The following LRFN5 variants were observed in gnomAD, a reference collection of about 807,000 sequenced individuals.
LRFN5 encodes leucine-rich repeat and fibronectin type-III domain-containing protein 5.
Under a neutral mutation model 45.6 loss-of-function variants are expected in LRFN5, and 24 were observed. The ratio of observed to expected loss-of-function variants is 0.53; its 90% CI spans 0.38 to 0.74. The LOEUF is 0.74. Among genes scored for constraint, LRFN5 ranks in the 30% least tolerant of loss-of-function variants. The probability of loss-of-function intolerance (pLI) is 0.00; values close to 1 mark genes in which losing one functional copy is unlikely to be tolerated. For synonymous variants in LRFN5, 340 were observed against 313.8 expected, an observed-to-expected ratio of 1.08 and a Z score of -0.88; for missense variants, 776 against 861.5, an observed-to-expected ratio of 0.90 and a Z score of 1.24.
chr14:41,718,400 G>C (rs1298809940), intron 1 of LRFN5, among the ~76,000 whole-genome samples: 2 of 152,092 alleles, frequency 1.3e-5, no homozygotes, highest in Non-Finnish European at 2.9e-5. Context: ...TTAAGTACCT[G>C]TTCTTTGATT....
chr14:41,786,963 T>A (rs1421928736), intron 2 of LRFN5, among the ~76,000 whole-genome samples: 3 of 152,096 alleles, frequency 2.0e-5, no homozygotes, highest in African/African-American at 7.2e-5. Flanking sequence ...GCATTTCTTA[T>A]ATCTCCAGGT....
chr14:41,878,356 C>T (rs547911496), intron 2 of LRFN5, among the ~76,000 whole-genome samples: 1 of 152,186 alleles, frequency 6.6e-6, no homozygotes, highest in African/African-American at 2.4e-5. Context: ...AATAGCTTTC[C>T]TTTAACTCAA....
chr14:41,768,533 C>T (rs1293524582), intron 2 of LRFN5, among the ~76,000 whole-genome samples: 2 of 151,726 alleles, frequency 1.3e-5, no homozygotes, highest in Non-Finnish European at 2.9e-5. Flanking sequence ...TTTAGATTTC[C>T]ATTAAATAAA....
intron 1 of LRFN5, among the ~76,000 whole-genome samples, chr14:41,748,246 A>G (rs1364916003): frequency 2.0e-5 from 3 of 152,118 alleles, no homozygotes; most frequent in African/African-American, 7.2e-5. Flanking sequence ...TATATTAGTC[A>G]CAAAGCTAAA....
At chr14:41,801,647 T>C (rs1177277428) in intron 2 of LRFN5, among the ~76,000 whole-genome samples, 1 of 152,216 alleles carries the variant, frequency 6.6e-6, no homozygotes, top group Non-Finnish European at 1.5e-5. Context: ...TCTCGCAGCC[T>C]GTGCTCATTA....
chr14:41,638,707 A>T (rs1215891947), intron 1 of LRFN5, among the ~76,000 whole-genome samples: 3 of 152,150 alleles, frequency 2.0e-5, no homozygotes, highest in African/African-American at 7.2e-5. Context: ...TGCTAGTTTT[A>T]AAATTAATGT....
At chr14:41,673,575 A>ACC (rs1228293593) in intron 1 of LRFN5, among the ~76,000 whole-genome samples, 2 of 104,922 alleles carry the variant, frequency 1.9e-5, no homozygotes, top group African/African-American at 7.6e-5. Flanking sequence ...GCAGGGGGTG[A>ACC]CCCCCCCCAC....
intron 5 of LRFN5, among the ~76,000 whole-genome samples, chr14:41,902,655 CTAAAT>C (rs1371483652): frequency 2.0e-5 from 3 of 151,728 alleles, no homozygotes; most frequent in Non-Finnish European, 4.4e-5. Context: ...TAACTTGATA[CTAAAT>C]TAAAGTTTGC....
chr14:41,808,017 T>G (rs1887580867), intron 2 of LRFN5, among the ~76,000 whole-genome samples: 1 of 151,290 alleles, frequency 6.6e-6, no homozygotes, highest in Non-Finnish European at 1.5e-5. Context: ...GTTTAAAGTT[T>G]GATACCTTAA....
At chr14:41,677,377 A>G (rs923107840) in intron 1 of LRFN5, among the ~76,000 whole-genome samples, 3 of 152,168 alleles carry the variant, frequency 2.0e-5, no homozygotes, top group Non-Finnish European at 1.5e-5. Flanking sequence ...ACACACACAC[A>G]CATACACACA....
At chr14:41,795,606 A>G (rs1413438553) in intron 2 of LRFN5, among the ~76,000 whole-genome samples, 2 of 152,100 alleles carry the variant, frequency 1.3e-5, no homozygotes, top group South Asian at 4.1e-4. Context: ...ATAAAAAATG[A>G]TGAGTTCATG....
At chr14:41,882,846 CTTTTTTTTTTT>C (rs71105409) in intron 2 of LRFN5, among the ~76,000 whole-genome samples, 1 of 107,286 alleles carries the variant, frequency 9.3e-6, no homozygotes, top group African/African-American at 3.5e-5. Context: ...TGTATTTCCT[CTTTTTTTTTTT>C]TTTTTTTTTG....
At chr14:41,642,774 T>C (rs1052293549) in intron 1 of LRFN5, among the ~76,000 whole-genome samples, 9 of 152,192 alleles carry the variant, frequency 5.9e-5, no homozygotes, top group African/African-American at 2.2e-4. Flanking sequence ...CTTTTCTTTC[T>C]TTCTTTTTTT....
At position 41,904,159 on chromosome 14, in the gene LRFN5, G is replaced by A. The variant is rs1349635806; in HGVS notation, c.2144G>A (p.Arg715Lys). The A allele has an allele frequency of 6.2e-7, 1 of 1,602,162 alleles. No individual in the cohort carries two copies. Among genetic ancestry groups the A allele is most frequent in the Admixed American group, 1.7e-5 (1 of 59,490 alleles). The change falls in exon 6 of 6, where the codon AGG becomes AAG. Residue 715 changes from arginine to lysine, a missense_variant and splice_region_variant. Arg to Lys is a conservative substitution (Grantham distance 26). Around this residue, in one of 2 missense-constraint regions of LRFN5, gnomAD observed 465 missense variants for 456.4 expected, o/e 1.02. Coordinates refer to ENST00000298119, the MANE Select transcript of LRFN5 (RefSeq NM_152447.5). ...CTTTTTCTTTTTCTTTCATTTCAGA[G>A]GCTGGAGTTAATCTGAAGAGCACCA... The part of the protein sequence containing the change: ...NVDQIVQETQ[R>K]LELI
At chr14:41,688,764 G>A (rs989436798) in intron 1 of LRFN5, among the ~76,000 whole-genome samples, 1 of 152,006 alleles carries the variant, frequency 6.6e-6, no homozygotes, top group Non-Finnish European at 1.5e-5. Context: ...GGTCAATGTA[G>A]ACCTGGAAAT....
intron 2 of LRFN5, among the ~76,000 whole-genome samples, chr14:41,782,010 A>C (rs1308137790): frequency 6.6e-6 from 1 of 151,890 alleles, no homozygotes; most frequent in African/African-American, 2.4e-5. Flanking sequence ...GTTTCTTGGC[A>C]TTTGTACTGT....
intron 1 of LRFN5, among the ~76,000 whole-genome samples, chr14:41,669,988 A>T (rs1881092094): frequency 1.3e-5 from 2 of 150,096 alleles, no homozygotes; most frequent in Non-Finnish European, 3.0e-5. Flanking sequence ...ATATAGTTAA[A>T]AATATAGTTA....
At chr14:41,801,194 T>G (rs1290991175) in intron 2 of LRFN5, among the ~76,000 whole-genome samples, 1 of 152,038 alleles carries the variant, frequency 6.6e-6, no homozygotes, top group Admixed American at 6.6e-5. Flanking sequence ...TGTGTAAATA[T>G]ACACAAAAAT....
intron 1 of LRFN5, among the ~76,000 whole-genome samples, chr14:41,732,038 A>G (rs1884201857): frequency 6.6e-6 from 1 of 152,200 alleles, no homozygotes; most frequent in Admixed American, 6.5e-5. Flanking sequence ...ATATAACTGT[A>G]CTGAAACTCT....
Sources: allele counts gnomAD v4.1 joint callset (sites outside exome capture counted in the v4.1 genomes callset), GRCh38; gene constraint gnomAD v4.1.1; regional missense constraint gnomAD v4.1.1; transcripts MANE v1.5; gene names NCBI Gene and HGNC (gene_info 2026-07-23, HGNC 2026-07-21).